The following LRRC2 variants were observed in gnomAD, a reference collection of about 807,000 sequenced individuals.
LRRC2 encodes leucine rich repeat containing 2, also known as leucine-rich repeat-containing protein 2.
Under a neutral mutation model 40.2 loss-of-function variants are expected in LRRC2, and 27 were observed. That is an observed-to-expected ratio of 0.67 (90% CI 0.49 to 0.93). The LOEUF is 0.93. Among genes scored for constraint, LRRC2 ranks in the 40% least tolerant of loss-of-function variants. LRRC2 has a pLI of 0.00. For synonymous variants in LRRC2, 147 were observed against 158.9 expected (o/e 0.92, Z 0.56); for missense variants, 402 against 439.6 (o/e 0.91, Z 0.76).
chr3:46,549,548 T>A (rs1235985306), intron 2 of LRRC2, among the ~76,000 whole-genome samples: 2 of 152,218 alleles, frequency 1.3e-5, no homozygotes, highest in Non-Finnish European at 2.9e-5. Context: ...TCCAAGAAGT[T>A]TTCTGTCTTA....
chr3:46,551,489 G>A lies in LRRC2; in HGVS notation c.103C>T (p.Leu35Phe), dbSNP rs1447372745. The change falls in exon 2 of 9, where the codon CTT (leucine) becomes TTT (phenylalanine). Residue 35 changes from leucine (L) to phenylalanine (F), a missense_variant. Coordinates refer to ENST00000395905, the MANE Select transcript of LRRC2 (RefSeq NM_024512.5). ...KAWQKKEVER[L>F]EKSALEKIKE... ...TACTTCTCCAAGGCGCTCTTCTCAA[G>A]CCTTTCCACCTCCTTCTTCTGCCAA... The A allele has an allele frequency of 1.2e-6, 2 of 1,613,860 alleles. No individual in the cohort carries two copies. Among genetic ancestry groups the A allele is most frequent in the South Asian group, 1.1e-5 (1 of 90,958 alleles).
At position 46,541,472 on chromosome 3, in the gene LRRC2, T is replaced by C. The variant is rs575573603; in HGVS notation, c.334-2271A>G. On this transcript the variant is annotated intron_variant, in intron 3 of 8. Transcript: ENST00000395905. The stretch of plus-strand genomic sequence containing the variant: ...TCCAAAATTCCATTAAAGACAACAG[T>C]ACAGGAACTTTTTAGGTGCCATAAA... Among the ~76,000 whole-genome samples, 3 of 152,036 alleles carry C rather than the reference T, an allele frequency of 2.0e-5. No individual in the cohort carries two copies. The South Asian group carries it at 6.2e-4, about 32-fold the overall frequency.
intron 3 of LRRC2, among the ~76,000 whole-genome samples, chr3:46,540,999 A>T (rs1429293958): frequency 1.3e-5 from 2 of 152,224 alleles, no homozygotes; most frequent in Non-Finnish European, 2.9e-5. Flanking sequence ...AAAGATTATT[A>T]AATTTCTAAA....
At chr3:46,546,000 T>C (rs969718406) in intron 2 of LRRC2, among the ~76,000 whole-genome samples, 2 of 152,210 alleles carry the variant, frequency 1.3e-5, no homozygotes, top group African/African-American at 4.8e-5. Flanking sequence ...TTCAAAACCA[T>C]CAAACACAGA....
chr3:46,544,953 A>G, intron 3 of LRRC2, 93 bp downstream of exon 3: 1 of 1,255,418 alleles, frequency 8.0e-7, no homozygotes, highest in East Asian at 2.3e-5. Context: ...ACCTCCTCTA[A>G]AGGCAAAAGC....
rs752735161 is a variant in LRRC2, at chr3:46,532,845, T to C, written c.555A>G (p.Glu185=). Residue 185 remains glutamate (E), a synonymous_variant, in exon 5 of 9, where the codon GAA becomes GAG. Transcript: ENST00000395905. ...GFNYLKSIPP[E]LGDCENLERL... ...TCTCTAGATTTTCACAATCTCCCAA[T>C]TCTGGAGGAATGCTCTTCAGATAGT... 19 of 1,613,980 alleles carry C rather than the reference T, an allele frequency of 1.2e-5. No homozygotes were observed. Among genetic ancestry groups the C allele is most frequent in the Non-Finnish European group, 1.6e-5 (19 of 1,179,858 alleles).
At chr3:46,551,314 G>T in intron 2 of LRRC2, 153 bp downstream of exon 2, 2 of 843,282 alleles carry the variant, frequency 2.4e-6, no homozygotes, top group Non-Finnish European at 3.6e-6. Context: ...TTTGTACTGA[G>T]CAACAGTGTA....
chr3:46,564,992 T>C (rs1319479361), intron 1 of LRRC2, among the ~76,000 whole-genome samples: 1 of 152,194 alleles, frequency 6.6e-6, no homozygotes, highest in Non-Finnish European at 1.5e-5. Context: ...GACACCAGCG[T>C]TGGAATGAAC....
chr3:46,556,833 T>A (rs1014842261), intron 1 of LRRC2, among the ~76,000 whole-genome samples: 1 of 152,132 alleles, frequency 6.6e-6, no homozygotes, highest in African/African-American at 2.4e-5. Context: ...CGCCTCAGCC[T>A]CCCAAAGTGC....
chr3:46,530,932 CTA>C (rs1230995545), intron 5 of LRRC2, among the ~76,000 whole-genome samples: 2 of 152,018 alleles, frequency 1.3e-5, no homozygotes, highest in African/African-American at 4.8e-5. Context: ...GTTAGAGTGA[CTA>C]TATTAATATC....
intron 8 of LRRC2, among the ~76,000 whole-genome samples, chr3:46,521,014 C>G (rs1220700880): frequency 1.3e-5 from 2 of 152,122 alleles, no homozygotes; most frequent in East Asian, 1.9e-4. Flanking sequence ...TACTTGACCC[C>G]CCTCGCCCCT....
In LRRC2 at chr3:46,519,051, C is replaced by T; in HGVS notation, c.1079G>A (p.Ser360Asn). 6.2e-7 allele frequency: 1 copy of T among 1,609,824 alleles called. No homozygotes were observed. Among genetic ancestry groups the T allele is most frequent in the Non-Finnish European group, 8.5e-7 (1 of 1,176,366 alleles). The change falls in exon 9 of 9, where the codon AGC becomes AAC. Residue 360 changes from serine (S) to asparagine (N), a missense_variant. Transcript: ENST00000395905. ...GCTAAAAGACACTTTGGTGGTATAG[C>T]TGGGAACAGATTCTGTAACAGAAAG... ...EDLKERESVP[S>N]YTTKVSFSLQ...
At chr3:46,539,320 T>A in intron 3 of LRRC2, 119 bp from the exon 4 acceptor site, 3 of 928,660 alleles carry the variant, frequency 3.2e-6, no homozygotes, top group Non-Finnish European at 4.9e-6. Flanking sequence ...GCATAAAACT[T>A]AACCACCAGC....
At chr3:46,560,072 A>C (rs1305589817) in intron 1 of LRRC2, among the ~76,000 whole-genome samples, 1 of 152,196 alleles carries the variant, frequency 6.6e-6, no homozygotes, top group African/African-American at 2.4e-5. Flanking sequence ...TGCCAGGTCC[A>C]GCCCAGCCCT....
In LRRC2 at chr3:46,551,314, G is replaced by A. The variant is rs918096749; in HGVS notation, c.125+153C>T. The A allele has an allele frequency of 4.7e-6, 4 of 843,164 alleles. No individual in the cohort carries two copies. In the African/African-American group the frequency reaches 5.1e-5, roughly 11 times the overall value. 52.2% of individuals were successfully genotyped at this position (843,164 alleles called of 1,614,324 possible). On this transcript the variant is annotated intron_variant, in intron 2 of 8. Coordinates refer to ENST00000395905, the MANE Select transcript of LRRC2 (RefSeq NM_024512.5). ...CATAGGAACTGCGTATTTGTACTGA[G>A]CAACAGTGTAAGGCTCTGAAGTTTA...
chr3:46,556,511 T>G (rs1704798905), intron 1 of LRRC2, among the ~76,000 whole-genome samples: 1 of 152,034 alleles, frequency 6.6e-6, no homozygotes, highest in Non-Finnish European at 1.5e-5. Flanking sequence ...TTTAGATTTG[T>G]TTAGCTTTTT....
intron 1 of LRRC2, among the ~76,000 whole-genome samples, chr3:46,554,069 G>C (rs1021704711): frequency 6.6e-6 from 1 of 151,984 alleles, no homozygotes; most frequent in Admixed American, 6.5e-5. Flanking sequence ...GCCCAGGCTA[G>C]AATGCAGTGA....
chr3:46,544,279 G>A (rs79556692), intron 3 of LRRC2, among the ~76,000 whole-genome samples: 9,769 of 152,212 alleles, frequency 0.064, 454 homozygotes, highest in South Asian at 0.17. Flanking sequence ...AGCACTTTGG[G>A]AGGCAAAGGC....
Position 46,521,097 on chromosome 3 carries a change from C to T in LRRC2, c.1066+425G>A, listed in dbSNP as rs180872496. Among the ~76,000 whole-genome samples, 503 of 152,270 alleles carry T rather than the reference C, an allele frequency of 3.3e-3. 6 individuals carry two copies. The highest frequency in any genetic ancestry group is 3.0e-3 in the Non-Finnish European group (201 of 68,026). ...GCAAATTGGCCATCCTGTGCTTTCC[C>T]TTTTGTGATTTTTATATGTGTTCTT... is the stretch of plus-strand genomic sequence containing the variant. On this transcript the variant is annotated intron_variant, in intron 8 of 8. Transcript: ENST00000395905.
Sources: gnomAD v4.1 joint callset for allele counts (sites outside exome capture counted in the v4.1 genomes callset) on GRCh38, gnomAD v4.1.1 for gene constraint, MANE v1.5 for transcripts, NCBI Gene and HGNC (gene_info 2026-07-23, HGNC 2026-07-21) for gene names.